The following ADAM19 variants were observed in gnomAD, a reference collection of about 807,000 sequenced individuals.
The protein encoded by ADAM19 is disintegrin and metalloproteinase domain-containing protein 19.
In ADAM19, 65 loss-of-function variants were observed where a neutral mutation model predicts 114.7. The ratio of observed to expected loss-of-function variants is 0.57; its 90% confidence interval spans 0.46 to 0.70. The LOEUF is 0.70. ADAM19 is among the 30% of genes least tolerant of loss of function. ADAM19 has a pLI of 0.00. For synonymous variants in ADAM19, 466 were observed against 460.5 expected (o/e 1.01, Z -0.15); for missense variants, 1,063 against 1,204.7 (o/e 0.88, Z 1.74).
chr5:157,491,104 G>A (rs1755138466), intron 18 of ADAM19, among the ~76,000 whole-genome samples: 1 of 151,398 alleles, frequency 6.6e-6, no homozygotes, highest in Admixed American at 6.6e-5. Context: ...AAAGATTTTG[G>A]TGCTTTTTTT....
intron 5 of ADAM19, among the ~76,000 whole-genome samples, chr5:157,521,375 A>G (rs1019706710): frequency 7.9e-5 from 12 of 152,300 alleles, no homozygotes; most frequent in African/African-American, 2.9e-4. Flanking sequence ...TCATCCATGC[A>G]GAGAGCTCAG....
At chr5:157,521,322 A>T (rs960476081) in intron 5 of ADAM19, among the ~76,000 whole-genome samples, 11 of 152,118 alleles carry the variant, frequency 7.2e-5, no homozygotes, top group Non-Finnish European at 1.6e-4. Context: ...AGCCCCATGG[A>T]CTCTAGCAGC....
intron 19 of ADAM19, 139 bp from the exon 20 acceptor site, chr5:157,489,325 C>A: frequency 1.5e-6 from 1 of 653,710 alleles, no homozygotes; most frequent in Non-Finnish European, 2.8e-6. Context: ...TGGGATTGGT[C>A]TTCTCGAACC....
At chr5:157,560,287 A>G (rs965074781) in intron 3 of ADAM19, among the ~76,000 whole-genome samples, 2 of 150,172 alleles carry the variant, frequency 1.3e-5, no homozygotes, top group African/African-American at 4.9e-5. Context: ...AAAAAAAAAA[A>G]AAAAAGAGGT....
chr5:157,561,520 C>T (rs764463816), intron 3 of ADAM19, among the ~76,000 whole-genome samples: 23 of 152,174 alleles, frequency 1.5e-4, no homozygotes, highest in Non-Finnish European at 2.9e-4. Flanking sequence ...CCTGAGAATC[C>T]AGTGTATGGG....
intron 17 of ADAM19, 47 bp from the exon 18 acceptor site, chr5:157,491,770 G>A: frequency 6.2e-7 from 1 of 1,611,876 alleles, no homozygotes; most frequent in South Asian, 1.1e-5. Flanking sequence ...GAGAGCATCA[G>A]CCACCCACAG....
At position 157,479,329 on chromosome 5, in the gene ADAM19, G is replaced by A. The variant is rs1202146133; in HGVS notation, c.*1620C>T. 1.0e-6 allele frequency: 1 copy of A among 985,990 alleles called. No homozygotes were observed. Among genetic ancestry groups the A allele is most frequent in the Non-Finnish European group, 1.2e-6 (1 of 830,054 alleles). The allele number at this position is 985,990 out of a possible 1,614,324, so 61.1% of individuals were successfully genotyped here. On this transcript the variant is annotated 3_prime_UTR_variant, in exon 23 of 23. Transcript: ENST00000257527. ...GAGAACTATAAGGAGGCCCTGGGGT[G>A]GTGAATCAGAAGCTCAGCCTCAGCC... is the stretch of plus-strand genomic sequence containing the variant.
chr5:157,491,823 C>G lies in ADAM19; in HGVS notation c.1986+12G>C. On this transcript the variant is annotated intron_variant, in intron 17 of 22. Transcript: ENST00000257527. ...TCCCCATGACACAGAGAAGCCAGAA[C>G]CCAGCACGCACCCCATGGCCATTGC... is the stretch of plus-strand genomic sequence containing the variant. The G allele has an allele frequency of 6.2e-7, 1 of 1,614,224 alleles. No homozygotes were observed.
intron 3 of ADAM19, among the ~76,000 whole-genome samples, chr5:157,544,624 CG>C (rs1351845982): frequency 1.3e-5 from 2 of 152,184 alleles, no homozygotes; most frequent in African/African-American, 4.8e-5. Context: ...CAGGGACCTG[CG>C]GGGCCCTCAA....
intron 12 of ADAM19, among the ~76,000 whole-genome samples, chr5:157,501,594 T>C (rs1205141473): frequency 6.6e-5 from 10 of 152,178 alleles, no homozygotes; most frequent in Non-Finnish European, 1.5e-4. Flanking sequence ...TCTCAGGCCA[T>C]TCCTCAACCC....
intron 12 of ADAM19, among the ~76,000 whole-genome samples, chr5:157,501,597 C>T (rs545406124): frequency 1.3e-5 from 2 of 152,330 alleles, no homozygotes; most frequent in Non-Finnish European, 2.9e-5. Flanking sequence ...CAGGCCATTC[C>T]TCAACCCCAG....
At chr5:157,571,586 G>A (rs1324932029) in intron 1 of ADAM19, among the ~76,000 whole-genome samples, 5 of 152,192 alleles carry the variant, frequency 3.3e-5, no homozygotes, top group African/African-American at 1.2e-4. Flanking sequence ...GGCACTGGGT[G>A]TTTTAAATAC....
intron 9 of ADAM19, 134 bp from the exon 10 acceptor site, chr5:157,507,274 C>T: frequency 1.3e-6 from 1 of 784,124 alleles, no homozygotes; most frequent in Non-Finnish European, 2.1e-6. Context: ...GGGGAGAGGC[C>T]CTTGTAACCA....
rs140777544 is a variant in ADAM19, at chr5:157,511,262, T to C, written c.739-1795A>G. 5.4e-4 allele frequency among the ~76,000 whole-genome samples: 82 copies of C among 152,302 alleles called. No individual in the cohort carries two copies. In the East Asian group the frequency reaches 0.014, roughly 27 times the overall value. On this transcript the variant is annotated intron_variant, in intron 8 of 22. Transcript: ENST00000257527. ...ACCATCTTTATCCAAAATTGGTAGG[T>C]ACTGCCCCAGCTGAAAAGAATAATC...
intron 3 of ADAM19, among the ~76,000 whole-genome samples, chr5:157,539,360 C>T (rs1171316624): frequency 6.6e-6 from 1 of 152,128 alleles, no homozygotes; most frequent in East Asian, 1.9e-4. Context: ...GAGGCCAGCA[C>T]AGAAAGCCAA....
chr5:157,539,078 G>C (rs754834264), intron 3 of ADAM19, among the ~76,000 whole-genome samples: 12 of 151,728 alleles, frequency 7.9e-5, no homozygotes, highest in Admixed American at 2.6e-4. Flanking sequence ...GCTTGAACCT[G>C]GGGGGTGGAG....
chr5:157,505,865 C>T, intron 10 of ADAM19, 57 bp from the exon 11 acceptor site: 2 of 1,571,558 alleles, frequency 1.3e-6, no homozygotes, highest in Non-Finnish European at 1.7e-6. Context: ...CCTCTGCCCC[C>T]CATCCCTGCC....
chr5:157,491,571 C>G, intron 18 of ADAM19, 44 bp downstream of exon 18: 1 of 1,365,076 alleles, frequency 7.3e-7, no homozygotes. Context: ...GATGCCCGCT[C>G]TTCTCACAAA....
intron 5 of ADAM19, among the ~76,000 whole-genome samples, chr5:157,522,771 G>A (rs943976982): frequency 2.0e-5 from 3 of 152,074 alleles, no homozygotes; most frequent in African/African-American, 7.2e-5. Context: ...GGGCGACAGA[G>A]CAAGACTCCA....
Sources: allele counts gnomAD v4.1 joint callset (sites outside exome capture counted in the v4.1 genomes callset), GRCh38; gene constraint gnomAD v4.1.1; transcripts MANE v1.5; gene names NCBI Gene and HGNC (gene_info 2026-07-23, HGNC 2026-07-21).